Variants in FTO observed in about 807,000 individuals in gnomAD.
FTO encodes the protein alpha-ketoglutarate-dependent dioxygenase FTO.
FTO carries 47 observed loss-of-function variants against 63.9 expected under a neutral mutation model. The observed-to-expected ratio is 0.74, with a 90% confidence interval of 0.58 to 0.94. The LOEUF (loss-of-function observed/expected upper bound fraction) is 0.94, where lower values mean the gene tolerates loss of function less well. Ranked by LOEUF, FTO falls within the 40% of genes least tolerant of loss-of-function variation. The pLI, the probability that FTO is intolerant of heterozygous loss-of-function variation, is 0.00. For missense variants in FTO, 562 were observed against 618.1 expected (o/e 0.91, Z 0.96); for synonymous variants, 207 against 224.4 (o/e 0.92, Z 0.69).
intron 2 of FTO, among the ~76,000 whole-genome samples, chr16:53,817,827 A>G (rs926815359): frequency 6.6e-6 from 1 of 151,926 alleles, no homozygotes; most frequent in Non-Finnish European, 1.5e-5. Flanking sequence ...AAGGCCTGGC[A>G]TGCTGGCATT....
At chr16:53,845,703 G>A (rs975328558) in intron 4 of FTO, among the ~76,000 whole-genome samples, 3 of 152,130 alleles carry the variant, frequency 2.0e-5, no homozygotes, top group South Asian at 2.1e-4. Flanking sequence ...TTTGTTTGCC[G>A]GAGATCCTGA....
intron 1 of FTO, among the ~76,000 whole-genome samples, chr16:53,769,330 T>C (rs1274743958): frequency 1.3e-5 from 2 of 152,190 alleles, no homozygotes; most frequent in African/African-American, 2.4e-5. Flanking sequence ...ACCATATTAC[T>C]TGGGCTTGAG....
intron 2 of FTO, among the ~76,000 whole-genome samples, chr16:53,820,915 A>G (rs994737731): frequency 2.0e-5 from 3 of 152,152 alleles, no homozygotes; most frequent in African/African-American, 7.2e-5. Context: ...ATAGAAGCAC[A>G]TATGGTCAGA....
chr16:53,985,777 A>C (rs1238496742), intron 8 of FTO, among the ~76,000 whole-genome samples: 1 of 152,240 alleles, frequency 6.6e-6, no homozygotes, highest in Non-Finnish European at 1.5e-5. Context: ...TTCCTGAGTA[A>C]AATGAAAATC....
chr16:53,895,536 A>G (rs1328317469), intron 7 of FTO, among the ~76,000 whole-genome samples: 1 of 152,164 alleles, frequency 6.6e-6, no homozygotes, highest in Non-Finnish European at 1.5e-5. Flanking sequence ...GAAAAAAGGG[A>G]TACTTATGTT....
intron 8 of FTO, among the ~76,000 whole-genome samples, chr16:53,983,666 A>G (rs2083599988): frequency 6.6e-6 from 1 of 152,132 alleles, no homozygotes; most frequent in Non-Finnish European, 1.5e-5. Context: ...GCCGGCAGGT[A>G]ATGTCAACGA....
intron 8 of FTO, among the ~76,000 whole-genome samples, chr16:54,009,528 AAAG>A: frequency 6.6e-6 from 1 of 152,146 alleles, no homozygotes; most frequent in Non-Finnish European, 1.5e-5. Context: ...AATTTACTGG[AAAG>A]AAGGACAAAT....
chr16:53,972,747 C>A (rs910722312), intron 8 of FTO, among the ~76,000 whole-genome samples: 3 of 152,168 alleles, frequency 2.0e-5, no homozygotes, highest in Non-Finnish European at 4.4e-5. Context: ...ATCCATCCCT[C>A]TCAGCTAGTG....
intron 6 of FTO, among the ~76,000 whole-genome samples, chr16:53,881,081 G>A (rs2151892966): frequency 6.6e-6 from 1 of 150,846 alleles, no homozygotes; most frequent in South Asian, 2.1e-4. Flanking sequence ...AAGATCGCGT[G>A]ACTGCACTCC....
chr16:53,925,448 A>G (rs184363753), intron 7 of FTO, among the ~76,000 whole-genome samples: 1 of 152,206 alleles, frequency 6.6e-6, no homozygotes, highest in East Asian at 1.9e-4. Flanking sequence ...GCCTTTTGAA[A>G]TTGCAAGAAC....
chr16:54,072,726 C>T (rs2085898645), intron 8 of FTO, among the ~76,000 whole-genome samples: 1 of 152,180 alleles, frequency 6.6e-6, no homozygotes, highest in Non-Finnish European at 1.5e-5. Flanking sequence ...GCCCCATCCT[C>T]ACACTGTCCC....
rs563360355 is a variant in FTO, at chr16:53,974,616, C to T, written c.1364+40507C>T. On this transcript the variant is annotated intron_variant, in intron 8 of 8. Coordinates refer to ENST00000471389, the MANE Select transcript of FTO (RefSeq NM_001080432.3). ...TCCAAGGTACAGCAATAGCATATAACGAAATGAACTTGATGCTGTATTAAA... is the reference window on the plus strand; with the variant it reads ...TCCAAGGTACAGCAATAGCATATAATGAAATGAACTTGATGCTGTATTAAA... 9.9e-5 allele frequency among the ~76,000 whole-genome samples: 15 copies of T among 151,728 alleles called. No homozygotes were observed. The South Asian group carries it at 1.0e-3, about 10-fold the overall frequency.
intron 1 of FTO, among the ~76,000 whole-genome samples, chr16:53,716,736 T>C (rs1344616725): frequency 6.6e-6 from 1 of 151,786 alleles, no homozygotes; most frequent in African/African-American, 2.4e-5. Context: ...AATTTCTTAA[T>C]GAAATTTTTT....
At chr16:53,936,536 G>A (rs535586370) in intron 8 of FTO, among the ~76,000 whole-genome samples, 216 of 152,250 alleles carry the variant, frequency 1.4e-3, no homozygotes, top group Middle Eastern at 3.4e-3. Context: ...CCGTCAAATG[G>A]GTGGTGGTGA....
At chr16:53,832,022 G>T (rs2079158667) in intron 3 of FTO, among the ~76,000 whole-genome samples, 1 of 152,198 alleles carries the variant, frequency 6.6e-6, no homozygotes, top group Non-Finnish European at 1.5e-5. Context: ...GCTCACAGAG[G>T]TGACCAAAGT....
intron 4 of FTO, among the ~76,000 whole-genome samples, chr16:53,852,592 T>C (rs1355861839): frequency 6.6e-6 from 1 of 152,176 alleles, no homozygotes; most frequent in Admixed American, 6.5e-5. Flanking sequence ...ATGATGTTGA[T>C]GTAAGTGTTG....
At chr16:53,849,944 T>G (rs2079740691) in intron 4 of FTO, among the ~76,000 whole-genome samples, 1 of 152,234 alleles carries the variant, frequency 6.6e-6, no homozygotes, top group African/African-American at 2.4e-5. Flanking sequence ...TGTTATTTCT[T>G]TCTCTGACCC....
chr16:54,019,472 C>T (rs138167543), intron 8 of FTO, among the ~76,000 whole-genome samples: 226 of 152,294 alleles, frequency 1.5e-3, no homozygotes, highest in Non-Finnish European at 2.8e-3. Context: ...ATTTAATGGG[C>T]ATATGCAAAA....
chr16:54,092,946 C>T (rs2086427134), intron 8 of FTO, among the ~76,000 whole-genome samples: 1 of 152,194 alleles, frequency 6.6e-6, no homozygotes, highest in South Asian at 2.1e-4. Context: ...ATGCTCTATC[C>T]AAGAGGTGGC....
Sources: gnomAD v4.1 joint callset for allele counts (sites outside exome capture counted in the v4.1 genomes callset) on GRCh38, gnomAD v4.1.1 for gene constraint, MANE v1.5 for transcripts, NCBI Gene and HGNC (gene_info 2026-07-23, HGNC 2026-07-21) for gene names.